The following HACE1 variants were observed in gnomAD, a reference collection of about 807,000 sequenced individuals.
The protein encoded by HACE1 is HECT domain and ankyrin repeat containing E3 ubiquitin protein ligase 1.
In HACE1, 73 loss-of-function variants were observed where a neutral mutation model predicts 118.4. The observed-to-expected ratio is 0.62, with a 90% CI of 0.51 to 0.75. The LOEUF (loss-of-function observed/expected upper bound fraction) is 0.75. Ranked by LOEUF, HACE1 falls within the 30% of genes least tolerant of loss-of-function variation. HACE1 has a pLI of 0.00. For synonymous variants in HACE1, 368 were observed against 374.8 expected (o/e 0.98, Z 0.21); for missense variants, 749 against 1,102.2 (o/e 0.68, Z 4.54).
At chr6:104,852,217 G>GTGTT in intron 2 of HACE1, 100 bp downstream of exon 2, 2 of 707,354 alleles carry the variant, frequency 2.8e-6, no homozygotes, top group Admixed American at 2.0e-5. Flanking sequence ...GTGTGTGTGT[G>GTGTT]TGTGTGTGTG....
At chr6:104,772,147 A>G in intron 17 of HACE1, 73 bp from the exon 18 acceptor site, 1 of 824,942 alleles carries the variant, frequency 1.2e-6, no homozygotes, top group Admixed American at 2.1e-5. Context: ...CGATGCAGAT[A>G]AACTAATTCA....
intron 7 of HACE1, among the ~76,000 whole-genome samples, chr6:104,802,927 T>G (rs959952096): frequency 1.3e-5 from 2 of 152,176 alleles, no homozygotes; most frequent in African/African-American, 4.8e-5. Context: ...ATCCAGGAGC[T>G]GGTTTTTTGA....
intron 5 of HACE1, among the ~76,000 whole-genome samples, chr6:104,841,813 C>T (rs2115157474): frequency 6.6e-6 from 1 of 152,218 alleles, no homozygotes; most frequent in East Asian, 1.9e-4. Context: ...AAAACAACTA[C>T]TCAACAGTAA....
intron 1 of HACE1, among the ~76,000 whole-genome samples, chr6:104,857,708 A>G (rs1776868323): frequency 6.6e-6 from 1 of 151,872 alleles, no homozygotes; most frequent in African/African-American, 2.4e-5. Flanking sequence ...GTAATCCCCC[A>G]GCACTTTGGG....
At chr6:104,790,961 A>G (rs921210804) in intron 11 of HACE1, among the ~76,000 whole-genome samples, 3 of 152,158 alleles carry the variant, frequency 2.0e-5, no homozygotes, top group Non-Finnish European at 1.5e-5. Flanking sequence ...GACTTCATCC[A>G]TATGTGCTTA....
chr6:104,745,116 A>T (rs1332065952), intron 20 of HACE1, among the ~76,000 whole-genome samples: 1 of 152,208 alleles, frequency 6.6e-6, no homozygotes, highest in East Asian at 1.9e-4. Flanking sequence ...TTTTTAAAAA[A>T]GATTTAGGCC....
At chr6:104,852,172 G>A (rs1776265711) in intron 2 of HACE1, 145 bp downstream of exon 2, 1 of 636,374 alleles carries the variant, frequency 1.6e-6, no homozygotes, top group Non-Finnish European at 2.9e-6. Flanking sequence ...TAAATAACTT[G>A]CCCCAGAACA....
intron 22 of HACE1, among the ~76,000 whole-genome samples, chr6:104,737,750 G>A (rs1303213769): frequency 6.6e-6 from 1 of 152,220 alleles, no homozygotes; most frequent in African/African-American, 2.4e-5. Context: ...GAGGCTGGGG[G>A]AGGGGCGCCC....
chr6:104,775,001 T>C (rs570360086), intron 17 of HACE1, among the ~76,000 whole-genome samples: 3 of 152,290 alleles, frequency 2.0e-5, no homozygotes, highest in Admixed American at 2.0e-4. Flanking sequence ...AATTTATTAA[T>C]ACTATGACAC....
chr6:104,816,691 AG>A (rs1483381094), intron 6 of HACE1, among the ~76,000 whole-genome samples: 1 of 152,254 alleles, frequency 6.6e-6, no homozygotes, highest in East Asian at 1.9e-4. Flanking sequence ...CTGTGAGAAG[AG>A]GGCCACCACC....
chr6:104,788,212 A>G (rs1346744754), intron 11 of HACE1, among the ~76,000 whole-genome samples: 1 of 152,132 alleles, frequency 6.6e-6, no homozygotes, highest in East Asian at 1.9e-4. Flanking sequence ...TAAATAAGAA[A>G]CACCATACAT....
chr6:104,830,758 C>CTTTTT (rs3035081), intron 6 of HACE1, among the ~76,000 whole-genome samples: 19 of 132,946 alleles, frequency 1.4e-4, no homozygotes, highest in African/African-American at 5.2e-4. Flanking sequence ...AAATTACATT[C>CTTTTT]TTTTTTTTTT....
At chr6:104,810,911 C>A (rs538504209) in intron 7 of HACE1, among the ~76,000 whole-genome samples, 2 of 151,914 alleles carry the variant, frequency 1.3e-5, no homozygotes, top group African/African-American at 4.8e-5. Context: ...CTGGAAATGA[C>A]CTGGTTACAT....
chr6:104,852,414 T>G, intron 1 of HACE1, 43 bp from the exon 2 acceptor site: 1 of 1,144,092 alleles, frequency 8.7e-7, no homozygotes, highest in Non-Finnish European at 1.3e-6. Context: ...CCCTACTTTG[T>G]GCAAGGGGTG....
chr6:104,844,836 G>C (rs980087550), intron 4 of HACE1, among the ~76,000 whole-genome samples: 1 of 150,638 alleles, frequency 6.6e-6, no homozygotes, highest in South Asian at 2.1e-4. Context: ...CTAATTTTTC[G>C]TATTTTTAGT....
At chr6:104,745,251 C>A (rs1186284352) in intron 20 of HACE1, among the ~76,000 whole-genome samples, 1 of 151,994 alleles carries the variant, frequency 6.6e-6, no homozygotes, top group South Asian at 2.1e-4. Flanking sequence ...ATCAAAGACA[C>A]AAAATCTCAA....
intron 19 of HACE1, among the ~76,000 whole-genome samples, chr6:104,768,177 A>C (rs1322781304): frequency 6.6e-6 from 1 of 152,160 alleles, no homozygotes; most frequent in African/African-American, 2.4e-5. Context: ...CCTTTTAATA[A>C]AACTTGGGAA....
intron 7 of HACE1, among the ~76,000 whole-genome samples, chr6:104,800,479 C>G (rs1335554523): frequency 6.6e-6 from 1 of 152,104 alleles, no homozygotes; most frequent in Non-Finnish European, 1.5e-5. Flanking sequence ...ACAGACACCT[C>G]ATATAGGCGG....
intron 22 of HACE1, among the ~76,000 whole-genome samples, chr6:104,742,034 A>G (rs1458010365): frequency 6.8e-6 from 1 of 146,396 alleles, no homozygotes; most frequent in Non-Finnish European, 1.5e-5. Context: ...GATCTTTGAC[A>G]AACCTGAGAA....
Sources: gnomAD v4.1 joint callset for allele counts (sites outside exome capture counted in the v4.1 genomes callset) on GRCh38, gnomAD v4.1.1 for gene constraint, MANE v1.5 for transcripts, NCBI Gene and HGNC (gene_info 2026-07-23, HGNC 2026-07-21) for gene names.